ZNF30: variants seen among roughly 807,000 people sequenced by gnomAD.
ZNF30 encodes zinc finger protein 30 (KOX 28).
Under a neutral mutation model 13.2 loss-of-function variants are expected in ZNF30, and 15 were observed. That is an observed-to-expected ratio of 1.13 (90% confidence interval 0.76 to 1.75). The LOEUF is 1.75. Ranked by LOEUF, ZNF30 falls within the 40% of genes most tolerant of loss-of-function variation. ZNF30 has a pLI of 0.00. For synonymous variants in ZNF30, 223 were observed against 256.6 expected (o/e 0.87, Z 1.25); for missense variants, 726 against 757.0 (o/e 0.96, Z 0.48).
At chr19:34,930,554 A>G (rs747885906) in intron 2 of ZNF30, among the ~76,000 whole-genome samples, 5 of 152,176 alleles carry the variant, frequency 3.3e-5, no homozygotes, top group Non-Finnish European at 7.3e-5. Context: ...ACCCTAATCC[A>G]CTAACTCAAG....
chr19:34,944,014 G>A lies in ZNF30; in HGVS notation c.1048G>A (p.Gly350Arg). Reference sequence around the variant, plus strand: ...GAAACCTTTTGAATGTAAGGAATGTGGAAAGGCCTTTAGACTTAGTTCCTT... The same window carrying A: ...GAAACCTTTTGAATGTAAGGAATGTAGAAAGGCCTTTAGACTTAGTTCCTT... ...GEKPFECKEC[G>R]KAFRLSSFLH... The change falls in exon 5 of 5, where the codon GGA (glycine) becomes AGA (arginine). Residue 350 changes from glycine to arginine, a missense_variant. By Grantham distance (125) the Gly-to-Arg change is moderately radical. Coordinates refer to ENST00000601142, the MANE Select transcript of ZNF30 (RefSeq NM_194325.3). 1 of 1,614,128 alleles carries A rather than the reference G, an allele frequency of 6.2e-7. No homozygotes were observed. The highest frequency in any genetic ancestry group is 8.5e-7 in the Non-Finnish European group (1 of 1,180,000).
At position 34,944,189 on chromosome 19, in the gene ZNF30, C is replaced by A. The variant is rs1477391992; in HGVS notation, c.1223C>A (p.Ala408Asp). 7 of 1,613,118 alleles carry A rather than the reference C, an allele frequency of 4.3e-6. No homozygotes were observed. In the East Asian group the frequency reaches 1.6e-4, roughly 36 times the overall value. The change falls in exon 5 of 5, where the codon GCC (alanine) becomes GAC (aspartate). Residue 408 changes from alanine (A) to aspartate (D), a missense_variant. Ala to Asp is a moderately radical substitution (Grantham distance 126, BLOSUM62 -2). Transcript: ENST00000601142. ...KPYECKECGK[A>D]FSTGSYLVQH... ...TATGAATGTAAGGAGTGTGGCAAGG[C>A]CTTTAGTACTGGCTCATACCTTGTT...
chr19:34,937,977 G>T (rs1167092158), intron 4 of ZNF30, among the ~76,000 whole-genome samples: 1 of 152,020 alleles, frequency 6.6e-6, no homozygotes. Context: ...TGTATTTTTA[G>T]TAGAGGTGGG....
Position 34,943,216 on chromosome 19 carries a change from C to T in ZNF30, c.257-7C>T, listed in dbSNP as rs1305571625. ...AAAAATAAGATATTTTTAAAATTTT[C>T]TTTCAGATTTGCAGTTGGAAGATGA... On this transcript the variant is annotated splice_region_variant and splice_polypyrimidine_tract_variant and intron_variant, in intron 4 of 4. Transcript: ENST00000601142. 223 of 1,402,944 alleles carry T rather than the reference C, an allele frequency of 1.6e-4. No individual in the cohort carries two copies. Among genetic ancestry groups the T allele is most frequent in the South Asian group, 8.2e-4 (44 of 53,880 alleles). 86.9% of individuals were successfully genotyped at this position (1,402,944 alleles called of 1,614,324 possible). A position where few individuals can be genotyped will look rare whatever the true frequency, so the allele number is the denominator to read the frequency against.
At position 34,944,214 on chromosome 19, in the gene ZNF30, T is replaced by G; in HGVS notation, c.1248T>G (p.Val416=). ...GKAFSTGSYL[V]QHQRIHTGEK... is the part of the protein sequence containing the mutation. ...CCTTTAGTACTGGCTCATACCTTGT[T>G]CAGCATCAGAGGATCCATACTGGGG... The change falls in exon 5 of 5, where the codon GTT becomes GTG. Residue 416 remains valine (V), a synonymous_variant. Coordinates refer to ENST00000601142, the MANE Select transcript of ZNF30 (RefSeq NM_194325.3). The G allele has an allele frequency of 1.2e-6, 2 of 1,613,880 alleles. No homozygotes were observed. The highest frequency in any genetic ancestry group is 8.5e-7 in the Non-Finnish European group (1 of 1,179,942).
At chr19:34,926,604 C>T (rs540346854), upstream of ZNF30, 1 of 180,940 alleles carries the variant, frequency 5.5e-6, no homozygotes, top group Admixed American at 6.2e-5. Flanking sequence ...ATTTCTGTAG[C>T]GAAAAGCAAA....
chr19:34,942,898 G>C (rs1056334297), intron 4 of ZNF30, among the ~76,000 whole-genome samples: 2 of 152,216 alleles, frequency 1.3e-5, no homozygotes, highest in Non-Finnish European at 2.9e-5. Context: ...TTGTTAGAAA[G>C]GTTGACAGTA....
At chr19:34,933,956 C>T (rs930843442) in intron 4 of ZNF30, among the ~76,000 whole-genome samples, 8 of 152,256 alleles carry the variant, frequency 5.3e-5, no homozygotes, top group Admixed American at 2.0e-4. Context: ...CATTTTATTA[C>T]GGACTTAAGT....
chr19:34,938,047 C>T (rs557485099), intron 4 of ZNF30, among the ~76,000 whole-genome samples: 3 of 152,220 alleles, frequency 2.0e-5, no homozygotes, highest in East Asian at 1.9e-4. Context: ...CCACCCACCT[C>T]GGCCTCCCAA....
At chr19:34,925,241 T>A (rs567400752), upstream of ZNF30, among the ~76,000 whole-genome samples, 1 of 152,322 alleles carries the variant, frequency 6.6e-6, no homozygotes, top group South Asian at 2.1e-4. Flanking sequence ...TTCAATTAGA[T>A]CCCTGCGTTA....
At chr19:34,925,731 C>A (rs1056618211), upstream of ZNF30, among the ~76,000 whole-genome samples, 2 of 152,138 alleles carry the variant, frequency 1.3e-5, no homozygotes, top group Admixed American at 6.5e-5. Flanking sequence ...AGGGACCACA[C>A]CCTCCTGTAC....
chr19:34,928,485 T>A (rs1211301611), intron 1 of ZNF30, among the ~76,000 whole-genome samples: 1 of 152,008 alleles, frequency 6.6e-6, no homozygotes, highest in Non-Finnish European at 1.5e-5. Flanking sequence ...CACATAACTT[T>A]TATTACAGTA....
At chr19:34,937,552 C>A (rs2012806295) in intron 4 of ZNF30, among the ~76,000 whole-genome samples, 1 of 151,880 alleles carries the variant, frequency 6.6e-6, no homozygotes, top group African/African-American at 2.4e-5. Context: ...GGCAACATAG[C>A]AGGACCCCCC....
At chr19:34,928,220 A>AAAAAATATAT (rs1555778254) in intron 1 of ZNF30, among the ~76,000 whole-genome samples, 19 of 73,414 alleles carry the variant, frequency 2.6e-4, no homozygotes, top group Admixed American at 4.4e-4. Context: ...AAAAAAAAAA[A>AAAAAATATAT]ATATATATAT....
rs1282632235 is a variant in ZNF30 at position 34,933,297 on chromosome 19, A to T, written c.161-331A>T. ...GGTGACATCCGTCTCTACTAAAAAT[A>T]CAAAAATTAGCTGGGCGTGGTGGCA... On this transcript the variant is annotated intron_variant, in intron 3 of 4. Transcript: ENST00000601142. Among the ~76,000 whole-genome samples the T allele has an allele frequency of 2.6e-5, 4 of 152,112 alleles. No individual in the cohort carries two copies. The East Asian group carries it at 7.8e-4, about 30-fold the overall frequency.
chr19:34,925,103 T>C (rs986027964), upstream of ZNF30, among the ~76,000 whole-genome samples: 1 of 152,064 alleles, frequency 6.6e-6, no homozygotes, highest in Non-Finnish European at 1.5e-5. Flanking sequence ...CAGGGGAGTA[T>C]ACAGACGGGC....
In ZNF30 at chr19:34,928,220, A is replaced by AATATATAT. The variant is rs374649415; in HGVS notation, c.-65+1032_-65+1039dup. On this transcript the variant is annotated intron_variant, in intron 1 of 4. Coordinates refer to ENST00000601142, the MANE Select transcript of ZNF30 (RefSeq NM_194325.3). ...GAGATCCCTTCTCTAAAAAAAAAAA[A>AATATATAT]ATATATATATATATATATATATATA... Among the ~76,000 whole-genome samples the AATATATAT allele has an allele frequency of 3.9e-3, 282 of 73,204 alleles. 7 individuals carry two copies. The highest frequency in any genetic ancestry group is 0.014 in the South Asian group (27 of 1,966). The allele number at this position is 73,204 out of a possible 152,430, so 48.0% of individuals were successfully genotyped here.
At chr19:34,927,546 G>A (rs76499006) in intron 1 of ZNF30, among the ~76,000 whole-genome samples, 2,765 of 152,304 alleles carry the variant, frequency 0.018, 29 homozygotes, top group Non-Finnish European at 0.027. Context: ...TTTTAAAGAT[G>A]AGAGCAATGT....
chr19:34,929,089 T>C (rs959571844), intron 1 of ZNF30, among the ~76,000 whole-genome samples: 3 of 152,182 alleles, frequency 2.0e-5, no homozygotes, highest in African/African-American at 7.2e-5. Context: ...GAGACCATCC[T>C]GGCCAACATG....
Sources: allele counts gnomAD v4.1 joint callset (sites outside exome capture counted in the v4.1 genomes callset), GRCh38; gene constraint gnomAD v4.1.1; transcripts MANE v1.5; gene names NCBI Gene and HGNC (gene_info 2026-07-23, HGNC 2026-07-21).